The following STK36 variants were observed in gnomAD, a reference collection of about 807,000 sequenced individuals.
The protein encoded by STK36 is serine/threonine kinase 36, also known as serine/threonine-protein kinase 36.
In STK36, 116 loss-of-function variants were observed where a neutral mutation model predicts 142.2. The ratio of observed to expected loss-of-function variants is 0.82; its 90% CI spans 0.70 to 0.95. The LOEUF (loss-of-function observed/expected upper bound fraction) is 0.95. Among genes scored for constraint, STK36 ranks in the 40% least tolerant of loss-of-function variants. The pLI is 0.00. For synonymous variants in STK36, 619 were observed against 641.7 expected (o/e 0.96, Z 0.53); for missense variants, 1,422 against 1,617.2 (o/e 0.88, Z 2.07).
At chr2:218,692,549 G>T (rs369844758) in intron 15 of STK36, 34 bp from the exon 16 acceptor site, 2 of 1,592,828 alleles carry the variant, frequency 1.3e-6, no homozygotes, top group South Asian at 2.3e-5. Context: ...AAGAGCCTCA[G>T]GCCTTTGGAG....
At chr2:218,685,312 A>T in intron 11 of STK36, 84 bp downstream of exon 11, 1 of 1,542,386 alleles carries the variant, frequency 6.5e-7, no homozygotes, top group Non-Finnish European at 8.8e-7. Flanking sequence ...CAGGAGAAAG[A>T]GAAAGTTTGT....
intron 10 of STK36, among the ~76,000 whole-genome samples, chr2:218,684,214 C>T (rs1387856855): frequency 1.3e-5 from 2 of 149,242 alleles, no homozygotes; most frequent in South Asian, 2.1e-4. Flanking sequence ...TGGATTCAAG[C>T]GATTATCCTG....
chr2:218,675,823 C>T (rs907910795), intron 5 of STK36, among the ~76,000 whole-genome samples: 2 of 152,120 alleles, frequency 1.3e-5, no homozygotes, highest in Non-Finnish European at 2.9e-5. Flanking sequence ...TGAGCCTGGC[C>T]CCACAGGGAA....
rs754828376 is a variant in STK36, at chr2:218,699,166, A to G, written c.3622A>G (p.Ile1208Val). 3.1e-6 allele frequency: 5 copies of G among 1,613,944 alleles called. No individual in the cohort carries two copies. Among genetic ancestry groups the G allele is most frequent in the African/African-American group, 2.7e-5 (2 of 74,910 alleles). Residue 1208 changes from isoleucine to valine, a missense_variant, in exon 26 of 27, where the codon ATC becomes GTC. Physicochemically the swap from Ile to Val is conservative, Grantham distance 29. This residue lies in a region of STK36 where 962 missense variants were observed against 1,167.5 expected (regional missense o/e 0.82). Transcript: ENST00000295709. Reference sequence around the variant, plus strand: ...GCTGCTTGGAGATCCTCAGGCTGGTATCCGGCGCAATGTTGCATCAGCTCT... The same window carrying G: ...GCTGCTTGGAGATCCTCAGGCTGGTGTCCGGCGCAATGTTGCATCAGCTCT... ...TQLLGDPQAG[I>V]RRNVASALGN... is the part of the protein sequence containing the mutation.
At chr2:218,686,683 T>G (rs895248330) in intron 11 of STK36, among the ~76,000 whole-genome samples, 1 of 152,254 alleles carries the variant, frequency 6.6e-6, no homozygotes, top group African/African-American at 2.4e-5. Context: ...ATGTATTGGG[T>G]TGTTTCCACT....
chr2:218,695,066 G>A (rs1365964830), intron 21 of STK36, among the ~76,000 whole-genome samples: 1 of 152,106 alleles, frequency 6.6e-6, no homozygotes, highest in Non-Finnish European at 1.5e-5. Flanking sequence ...CTGACATCCT[G>A]TGAATTCTTC....
rs754307257 is a variant in STK36, at chr2:218,702,002, G to A, written c.3941G>A (p.Ser1314Asn). The part of the protein sequence containing the change: ...KLIHLLRPAH[S>N]M The stretch of plus-strand genomic sequence containing the variant: ...ATTCACCTCCTGAGGCCAGCCCATA[G>A]CATGTGATTCCAGATTCCTGCGGTC... Residue 1314 changes from serine to asparagine, a missense_variant, in exon 27 of 27, where the codon AGC (serine) becomes AAC (asparagine). Coordinates refer to ENST00000295709, the MANE Select transcript of STK36 (RefSeq NM_015690.5). The A allele has an allele frequency of 4.3e-6, 7 of 1,613,820 alleles. No homozygotes were observed. Among genetic ancestry groups the A allele is most frequent in the Non-Finnish European group, 5.9e-6 (7 of 1,179,806 alleles).
intron 10 of STK36, among the ~76,000 whole-genome samples, chr2:218,681,650 G>A (rs1240326234): frequency 6.6e-6 from 1 of 152,228 alleles, no homozygotes; most frequent in African/African-American, 2.4e-5. Context: ...CAAGGTGCCA[G>A]CAGATTGGGT....
At chr2:218,696,784 C>T (rs971556757) in intron 22 of STK36, 183 bp downstream of exon 22, 10 of 901,950 alleles carry the variant, frequency 1.1e-5, no homozygotes, top group African/African-American at 6.5e-5. Context: ...AAACCATTCG[C>T]TGCGTCCCCT....
Position 218,688,854 on chromosome 2 carries a change from A to G in STK36, c.1538A>G (p.Gln513Arg), listed in dbSNP as rs1356881790. Residue 513 changes from glutamine (Q) to arginine (R), a missense_variant, in exon 12 of 27, where the codon CAG becomes CGG. This residue lies in a region of STK36 where 962 missense variants were observed against 1,167.5 expected (regional missense o/e 0.82). Coordinates refer to ENST00000295709, the MANE Select transcript of STK36 (RefSeq NM_015690.5). ...CTGCTGAGTCTACTCAGGCACAGTC[A>G]GGAGAGCAACAGCCTCCAGCAGGTA... ...GLLLSLLRHSQESNSLQQQSW... is the reference protein window; with the variant it reads ...GLLLSLLRHSRESNSLQQQSW... The G allele has an allele frequency of 6.2e-7, 1 of 1,611,520 alleles. No homozygotes were observed. The highest frequency in any genetic ancestry group is 8.5e-7 in the Non-Finnish European group (1 of 1,179,418).
In STK36 at chr2:218,702,394, C is replaced by T. The variant is rs59318690; in HGVS notation, c.*385C>T. ...CCAGCAGGTTTTTGCCTTAGACGTGCTGGCCCCAGGACAGTGATGAAGACA... is the reference window on the plus strand; with the variant it reads ...CCAGCAGGTTTTTGCCTTAGACGTGTTGGCCCCAGGACAGTGATGAAGACA... On this transcript the variant is annotated 3_prime_UTR_variant, in exon 27 of 27. Coordinates refer to ENST00000295709, the MANE Select transcript of STK36 (RefSeq NM_015690.5). The T allele has an allele frequency of 6.2e-3, 1,051 of 169,828 alleles. 13 individuals carry two copies. The highest frequency in any genetic ancestry group is 0.024 in the African/African-American group (996 of 41,826). The allele number at this position is 169,828 out of a possible 1,614,324, so 10.5% of individuals were successfully genotyped here.
intron 4 of STK36, among the ~76,000 whole-genome samples, 168 bp from the exon 5 acceptor site, chr2:218,675,175 A>G (rs1940177073): frequency 6.6e-6 from 1 of 152,232 alleles, no homozygotes; most frequent in African/African-American, 2.4e-5. Context: ...GAGCAAATGA[A>G]AGAGTGATTA....
At position 218,697,453 on chromosome 2, in the gene STK36, G is replaced by A. The variant is rs763719658; in HGVS notation, c.2762-10G>A. On this transcript the variant is annotated splice_polypyrimidine_tract_variant and intron_variant, in intron 23 of 26. Coordinates refer to ENST00000295709, the MANE Select transcript of STK36 (RefSeq NM_015690.5). ...CTGTTCCATTGGGTCTCCATTTTTG[G>A]TGTTACCAGGCATGGCAGCCCTGCT... The A allele has an allele frequency of 6.2e-7, 1 of 1,612,732 alleles. No homozygotes were observed. Among genetic ancestry groups the A allele is most frequent in the Non-Finnish European group, 8.5e-7 (1 of 1,179,634 alleles).
Sources: allele counts gnomAD v4.1 joint callset (sites outside exome capture counted in the v4.1 genomes callset), GRCh38; gene constraint gnomAD v4.1.1; regional missense constraint gnomAD v4.1.1; transcripts MANE v1.5; gene names NCBI Gene and HGNC (gene_info 2026-07-23, HGNC 2026-07-21).